KCNH1: variants seen among roughly 807,000 people sequenced by gnomAD.
The protein encoded by KCNH1 is voltage-gated delayed rectifier potassium channel KCNH1.
Under a neutral mutation model 69.2 loss-of-function variants are expected in KCNH1, and 27 were observed. That is an observed-to-expected ratio of 0.39 (90% CI 0.29 to 0.54). The LOEUF is 0.54. Among genes scored for constraint, KCNH1 ranks in the 20% least tolerant of loss-of-function variants. KCNH1 has a pLI of 0.68. For missense variants in KCNH1, 798 were observed against 1,261.6 expected, an observed-to-expected ratio of 0.63 and a Z score of 5.57; for synonymous variants, 456 against 487.7, an observed-to-expected ratio of 0.93 and a Z score of 0.86.
intron 7 of KCNH1, chr1:210,860,452 C>T: frequency 1.1e-6 from 1 of 904,440 alleles, no homozygotes; most frequent in Non-Finnish European, 1.9e-6. Flanking sequence ...ATTCAGAATT[C>T]CCATAGCAGT....
chr1:210,835,587 A>T (rs1685264457), intron 7 of KCNH1, among the ~76,000 whole-genome samples: 1 of 152,192 alleles, frequency 6.6e-6, no homozygotes, highest in Admixed American at 6.5e-5. Context: ...GAGGAAGCCC[A>T]GAGTGGTGGA....
chr1:210,811,624 C>G (rs1219953623), intron 7 of KCNH1, among the ~76,000 whole-genome samples: 1 of 152,086 alleles, frequency 6.6e-6, no homozygotes, highest in East Asian at 1.9e-4. Flanking sequence ...ATTCAGCCAG[C>G]CATTACAGCA....
chr1:211,004,501 C>T (rs903599998), intron 6 of KCNH1, among the ~76,000 whole-genome samples: 7 of 151,242 alleles, frequency 4.6e-5, no homozygotes, highest in African/African-American at 1.7e-4. Flanking sequence ...GAGTGCCCAC[C>T]CAAAGTGTAG....
intron 6 of KCNH1, among the ~76,000 whole-genome samples, chr1:210,984,733 G>C (rs1055094857): frequency 7.2e-6 from 1 of 138,988 alleles, no homozygotes; most frequent in Non-Finnish European, 1.6e-5. Context: ...AGGGATATTG[G>C]TCTAAAATTC....
At chr1:211,012,813 T>C (rs1469884453) in intron 6 of KCNH1, among the ~76,000 whole-genome samples, 2 of 152,186 alleles carry the variant, frequency 1.3e-5, no homozygotes, top group African/African-American at 4.8e-5. Context: ...TGTATTAATA[T>C]TGGCTCATCA....
chr1:210,928,699 AAGAT>A (rs1221895294), intron 6 of KCNH1, among the ~76,000 whole-genome samples: 1 of 152,178 alleles, frequency 6.6e-6, no homozygotes, highest in Non-Finnish European at 1.5e-5. Context: ...AGAAATAACA[AAGAT>A]AGAGCAGAAC....
chr1:210,719,705 GTAAAA>G (rs1278336199), intron 10 of KCNH1, among the ~76,000 whole-genome samples: 4 of 151,288 alleles, frequency 2.6e-5, no homozygotes, highest in Non-Finnish European at 4.4e-5. Flanking sequence ...AGAACTTAAA[GTAAAA>G]TAAAAAAAAA....
intron 5 of KCNH1, among the ~76,000 whole-genome samples, chr1:211,035,517 G>A (rs1689881808): frequency 6.6e-6 from 1 of 151,458 alleles, no homozygotes; most frequent in African/African-American, 2.4e-5. Context: ...CAAAGTGCTG[G>A]GATTACGGGT....
intron 6 of KCNH1, among the ~76,000 whole-genome samples, chr1:211,014,624 C>G (rs1689458634): frequency 1.3e-5 from 2 of 152,130 alleles, no homozygotes; most frequent in African/African-American, 4.8e-5. Flanking sequence ...TTCAAGAACT[C>G]CCCACCCCCA....
chr1:210,757,479 C>T (rs537424125), intron 10 of KCNH1, among the ~76,000 whole-genome samples: 1 of 152,330 alleles, frequency 6.6e-6, no homozygotes, highest in South Asian at 2.1e-4. Context: ...CATATTCCCA[C>T]TCTTCCTTTA....
chr1:210,888,766 T>C (rs1269922078), intron 7 of KCNH1, among the ~76,000 whole-genome samples: 9 of 152,256 alleles, frequency 5.9e-5, no homozygotes, highest in African/African-American at 2.2e-4. Context: ...CATCAGAGAA[T>C]ACTATAAACG....
chr1:211,082,908 G>A lies in KCNH1; in HGVS notation c.440-10C>T. Reference sequence around the variant, plus strand: ...GCAAACTTCCCCCAGCCTGAAGCAAGTGGAAGAGTGAAAAGACAGGGTCAA... The same window carrying A: ...GCAAACTTCCCCCAGCCTGAAGCAAATGGAAGAGTGAAAAGACAGGGTCAA... On this transcript the variant is annotated splice_polypyrimidine_tract_variant and intron_variant, in intron 4 of 10. Transcript: ENST00000271751. 6.2e-7 allele frequency: 1 copy of A among 1,609,050 alleles called. No homozygotes were observed. The highest frequency in any genetic ancestry group is 1.1e-5 in the South Asian group (1 of 90,662).
At chr1:211,082,726 G>GC (rs1418181669) in intron 5 of KCNH1, 54 bp downstream of exon 5, 10 of 1,395,332 alleles carry the variant, frequency 7.2e-6, no homozygotes, top group Non-Finnish European at 1.0e-5. Flanking sequence ...CATTGCCTCA[G>GC]CCCATGCACC....
Position 211,050,472 on chromosome 1 carries a change from G to A in KCNH1, c.559-31216C>T, listed in dbSNP as rs1690181504. Among the ~76,000 whole-genome samples the A allele has an allele frequency of 2.0e-5, 3 of 152,022 alleles. No individual in the cohort carries two copies. In the South Asian group the frequency reaches 6.2e-4, roughly 32 times the overall value. On this transcript the variant is annotated intron_variant, in intron 5 of 10. Coordinates refer to ENST00000271751, the MANE Select transcript of KCNH1 (RefSeq NM_172362.3). ...ATGATGCACTTGTTCTTTAATGGAAGAGGTAAGGGCAGTGGGAAGCAATTA... is the reference window on the plus strand; with the variant it reads ...ATGATGCACTTGTTCTTTAATGGAAAAGGTAAGGGCAGTGGGAAGCAATTA...
intron 1 of KCNH1, among the ~76,000 whole-genome samples, chr1:211,111,224 C>T (rs1181028182): frequency 1.3e-5 from 2 of 152,184 alleles, no homozygotes; most frequent in Non-Finnish European, 2.9e-5. Flanking sequence ...TTTATCCTTT[C>T]GTAAGCATAC....
chr1:210,819,750 T>G (rs1467636752), intron 7 of KCNH1, among the ~76,000 whole-genome samples: 1 of 152,292 alleles, frequency 6.6e-6, no homozygotes, highest in African/African-American at 2.4e-5. Context: ...ATTCTCTGGG[T>G]TTTCCATTCA....
intron 6 of KCNH1, among the ~76,000 whole-genome samples, chr1:210,991,880 C>T (rs921476878): frequency 2.0e-5 from 3 of 152,190 alleles, no homozygotes; most frequent in African/African-American, 7.2e-5. Flanking sequence ...TGTAAAATCT[C>T]TCCTGAGATT....
intron 7 of KCNH1, among the ~76,000 whole-genome samples, chr1:210,917,222 AGAG>A (rs1558524693): frequency 5.7e-4 from 61 of 106,154 alleles, no homozygotes; most frequent in South Asian, 7.0e-4. Context: ...AGAGAGAGAG[AGAG>A]AGAGAGAAAG....
At chr1:211,058,569 C>T (rs935525749) in intron 5 of KCNH1, among the ~76,000 whole-genome samples, 4 of 151,970 alleles carry the variant, frequency 2.6e-5, no homozygotes, top group African/African-American at 9.7e-5. Context: ...TCCCAAGCCT[C>T]ATGGTAACTT....
Sources: allele counts gnomAD v4.1 joint callset (sites outside exome capture counted in the v4.1 genomes callset), GRCh38; gene constraint gnomAD v4.1.1; transcripts MANE v1.5; gene names NCBI Gene and HGNC (gene_info 2026-07-23, HGNC 2026-07-21).